The following HTR4 variants were observed in gnomAD, a reference collection of about 807,000 sequenced individuals.
The protein encoded by HTR4 is 5-hydroxytryptamine receptor 4, also known as 5-hydroxytryptamine (serotonin) receptor 4, G protein-coupled.
In HTR4, 16 loss-of-function variants were observed where a neutral mutation model predicts 36.8. The ratio of observed to expected loss-of-function variants is 0.43; its 90% CI spans 0.29 to 0.66. HTR4 has a LOEUF of 0.66. Ranked by LOEUF, HTR4 falls within the 30% of genes least tolerant of loss-of-function variation. HTR4 has a pLI of 0.13. For synonymous variants in HTR4, 189 were observed against 185.1 expected (o/e 1.02, Z -0.17); for missense variants, 438 against 490.9 (o/e 0.89, Z 1.02).
intron 2 of HTR4, among the ~76,000 whole-genome samples, chr5:148,617,656 A>G (rs1395326614): frequency 6.6e-6 from 1 of 151,960 alleles, no homozygotes; most frequent in Non-Finnish European, 1.5e-5. Context: ...TTTAGTAAAG[A>G]GAGGGTTTCA....
At chr5:148,472,303 G>GT, downstream of HTR4, among the ~76,000 whole-genome samples, 1 of 152,290 alleles carries the variant, frequency 6.6e-6, no homozygotes, top group South Asian at 2.1e-4. Context: ...TCTCCTTAAA[G>GT]TTTGTTTAAA....
intron 5 of HTR4, among the ~76,000 whole-genome samples, chr5:148,455,224 T>C (rs886126263): frequency 6.6e-6 from 1 of 152,188 alleles, no homozygotes; most frequent in Non-Finnish European, 1.5e-5. Context: ...GGTTACAACA[T>C]GCATGGTGCC....
downstream of HTR4, among the ~76,000 whole-genome samples, chr5:148,472,930 T>C (rs957408650): frequency 2.0e-5 from 3 of 152,224 alleles, no homozygotes; most frequent in African/African-American, 7.2e-5. Context: ...ATTTTTTCTT[T>C]TTGTATTTAT....
At chr5:148,516,273 G>A (rs949993115) in intron 5 of HTR4, among the ~76,000 whole-genome samples, 1 of 132,802 alleles carries the variant, frequency 7.5e-6, no homozygotes, top group Non-Finnish European at 1.6e-5. Context: ...TTATTTCAGT[G>A]TATTTATTAG....
intron 6 of HTR4, chr5:148,509,177 TAA>T (rs1337206112): frequency 5.6e-6 from 2 of 355,990 alleles, no homozygotes; most frequent in Admixed American, 4.3e-5. Flanking sequence ...ATTATTATCT[TAA>T]GTTTTTAAAA....
intron 4 of HTR4, among the ~76,000 whole-genome samples, chr5:148,525,314 GATGAA>G (rs1413321774): frequency 3.3e-5 from 5 of 152,104 alleles, no homozygotes; most frequent in Non-Finnish European, 5.9e-5. Context: ...ATTTGAAGTG[GATGAA>G]ATATACTCTT....
chr5:148,488,398 A>T (rs1756263252), intron 6 of HTR4, among the ~76,000 whole-genome samples: 1 of 152,228 alleles, frequency 6.6e-6, no homozygotes, highest in Non-Finnish European at 1.5e-5. Context: ...CCTTTGGCAA[A>T]AAAACAGGAT....
At chr5:148,483,930 TTTTATTA>T (rs2113720436) in intron 6 of HTR4, among the ~76,000 whole-genome samples, 1 of 138,244 alleles carries the variant, frequency 7.2e-6, no homozygotes, top group Admixed American at 8.2e-5. Context: ...GCCTAGTTGA[TTTTATTA>T]TTTATTTATT....
At chr5:148,539,895 G>A (rs1036327060) in intron 4 of HTR4, among the ~76,000 whole-genome samples, 9 of 152,010 alleles carry the variant, frequency 5.9e-5, no homozygotes, top group South Asian at 2.1e-4. Flanking sequence ...AGTATAAATC[G>A]TTCTACCATA....
chr5:148,637,229 T>C (rs188580426), intron 1 of HTR4, among the ~76,000 whole-genome samples, 168 bp from the exon 2 acceptor site: 1 of 152,348 alleles, frequency 6.6e-6, no homozygotes, highest in Non-Finnish European at 1.5e-5. Context: ...TGACGTATGG[T>C]ACAGCCGAGT....
At chr5:148,493,046 G>C (rs149346539) in intron 6 of HTR4, among the ~76,000 whole-genome samples, 1,885 of 152,342 alleles carry the variant, frequency 0.012, 20 homozygotes, top group Middle Eastern at 0.048. Flanking sequence ...ACACATTTCT[G>C]AAAAGCAGGT....
At chr5:148,455,405 C>T (rs980202110) in intron 5 of HTR4, among the ~76,000 whole-genome samples, 23 of 152,166 alleles carry the variant, frequency 1.5e-4, no homozygotes, top group Admixed American at 9.8e-4. Context: ...GATGTACTGC[C>T]GTGGAATGCA....
At position 148,592,922 on chromosome 5, in the gene HTR4, T is replaced by C. The variant is rs558982206; in HGVS notation, c.27-42660A>G. ...ATGTTTTATTTTCCTTTGACAATTT[T>C]AAATTTTGATTACTATGTTTTTCTC... On this transcript the variant is annotated intron_variant, in intron 2 of 6. Transcript: ENST00000377888. 2.6e-5 allele frequency among the ~76,000 whole-genome samples: 4 copies of C among 152,332 alleles called. No homozygotes were observed. In the East Asian group the frequency reaches 7.7e-4, roughly 29 times the overall value.
chr5:148,613,265 G>A (rs1386579903), intron 2 of HTR4, among the ~76,000 whole-genome samples: 2 of 138,970 alleles, frequency 1.4e-5, no homozygotes, highest in African/African-American at 2.7e-5. Context: ...GATGAACATT[G>A]ATGCAAAAAT....
chr5:148,541,666 CAT>C (rs1207918410), intron 4 of HTR4, among the ~76,000 whole-genome samples: 1 of 152,120 alleles, frequency 6.6e-6, no homozygotes, highest in Non-Finnish European at 1.5e-5. Flanking sequence ...TATGAGGAAA[CAT>C]ATATTCAGGG....
chr5:148,650,729 A>T (rs1427052373), intron 1 of HTR4, among the ~76,000 whole-genome samples: 1 of 152,148 alleles, frequency 6.6e-6, no homozygotes, highest in Non-Finnish European at 1.5e-5. Flanking sequence ...CAACACTGCC[A>T]CCACCCCTTT....
At chr5:148,581,563 GT>G (rs1301586446) in intron 2 of HTR4, among the ~76,000 whole-genome samples, 1 of 151,946 alleles carries the variant, frequency 6.6e-6, no homozygotes, top group Non-Finnish European at 1.5e-5. Context: ...TGGATATACA[GT>G]TTTCCCCCCA....
intron 5 of HTR4, among the ~76,000 whole-genome samples, chr5:148,460,585 A>G (rs992113009): frequency 7.1e-4 from 108 of 152,236 alleles, no homozygotes; most frequent in African/African-American, 2.5e-3. Context: ...TTCTGGGACA[A>G]AAAGAAATTG....
At chr5:148,451,882 C>T (rs998877776) in intron 5 of HTR4, among the ~76,000 whole-genome samples, 1 of 152,118 alleles carries the variant, frequency 6.6e-6, no homozygotes, top group South Asian at 2.1e-4. Flanking sequence ...ATCTTAATTG[C>T]CTTTAAATGC....
Sources: gnomAD v4.1 joint callset for allele counts (sites outside exome capture counted in the v4.1 genomes callset) on GRCh38, gnomAD v4.1.1 for gene constraint, MANE v1.5 for transcripts, NCBI Gene and HGNC (gene_info 2026-07-23, HGNC 2026-07-21) for gene names.